The following GALNT16 variants were observed in gnomAD, a reference collection of about 807,000 sequenced individuals.
GALNT16 encodes the protein polypeptide N-acetylgalactosaminyltransferase 16, also known as UDP-GalNAc:polypeptide N-acetylgalactosaminyltransferase-like protein 1.
A neutral mutation model predicts 76.1 loss-of-function variants in GALNT16; 40 were observed. That is an observed-to-expected ratio of 0.53 (90% confidence interval 0.41 to 0.68). The LOEUF is 0.68. Among genes scored for constraint, GALNT16 ranks in the 30% least tolerant of loss-of-function variants. The pLI, the probability that GALNT16 is intolerant of heterozygous loss-of-function variation, is 0.00. For synonymous variants in GALNT16, 276 were observed against 285.2 expected (o/e 0.97, Z 0.32); for missense variants, 621 against 731.9 (o/e 0.85, Z 1.75).
At chr14:69,331,061 C>A (rs1253772472) in intron 6 of GALNT16, among the ~76,000 whole-genome samples, 6 of 152,084 alleles carry the variant, frequency 3.9e-5, no homozygotes, top group African/African-American at 1.4e-4. Context: ...CAGTTCAGAC[C>A]AGAAATAGAA....
intron 1 of GALNT16, among the ~76,000 whole-genome samples, chr14:69,283,297 A>G (rs139585568): frequency 3.3e-4 from 51 of 152,352 alleles, no homozygotes; most frequent in African/African-American, 1.1e-3. Context: ...CACCTAGTTT[A>G]GCTGCATCAG....
chr14:69,312,348 C>T (rs565527854), intron 1 of GALNT16, among the ~76,000 whole-genome samples: 110 of 152,296 alleles, frequency 7.2e-4, no homozygotes, highest in African/African-American at 2.5e-3. Context: ...CAGACCTTGA[C>T]GCTTTGCGCT....
the GALNT16 span, among the ~76,000 whole-genome samples, chr14:69,369,023 C>A: frequency 3.3e-5 from 5 of 152,178 alleles, no homozygotes; most frequent in Non-Finnish European, 5.9e-5. Flanking sequence ...ATAAACTATA[C>A]CCCTCACTCT....
chr14:69,338,691 G>A lies in GALNT16; in HGVS notation c.1008G>A (p.Glu336=). 1.2e-6 allele frequency: 2 copies of A among 1,613,652 alleles called. No individual in the cohort carries two copies. Among genetic ancestry groups the A allele is most frequent in the Non-Finnish European group, 1.7e-6 (2 of 1,179,836 alleles). Reference sequence around the variant, plus strand: ...TGTGGATGTGTGGTGGCAGTCTGGAGATCGTCCCCTGCAGCCGGGTGGGCC... The same window carrying A: ...TGTGGATGTGTGGTGGCAGTCTGGAAATCGTCCCCTGCAGCCGGGTGGGCC... ...FRVWMCGGSL[E]IVPCSRVGHV... Residue 336 remains glutamate (E), a synonymous_variant, in exon 10 of 15, where the codon GAG becomes GAA. Coordinates refer to ENST00000448469, the MANE Select transcript of GALNT16 (RefSeq NM_001168368.2).
chr14:69,328,316 T>TAAAGTCA, intron 5 of GALNT16, 134 bp from the exon 6 acceptor site: 1 of 907,994 alleles, frequency 1.1e-6, no homozygotes, highest in Admixed American at 2.5e-5. Flanking sequence ...AGCAGAAGTA[T>TAAAGTCA]AAAGTCAAAT....
intron 1 of GALNT16, among the ~76,000 whole-genome samples, chr14:69,275,535 G>A (rs1405011039): frequency 7.2e-5 from 11 of 152,290 alleles, no homozygotes; most frequent in South Asian, 4.1e-4. Flanking sequence ...GTGTGTGTGC[G>A]CATGCGCACA....
chr14:69,315,617 G>A (rs764594080), intron 1 of GALNT16, among the ~76,000 whole-genome samples: 21 of 152,308 alleles, frequency 1.4e-4, no homozygotes, highest in Admixed American at 3.3e-4. Context: ...TGCCAAAGAC[G>A]GGCCTGATAT....
chr14:69,337,415 G>GATATATCAA (rs2045428398), intron 9 of GALNT16, among the ~76,000 whole-genome samples: 1 of 152,210 alleles, frequency 6.6e-6, no homozygotes. Context: ...TATTGTTATG[G>GATATATCAA]CCATTGTTGA....
At chr14:69,293,596 A>C (rs749641370) in intron 1 of GALNT16, among the ~76,000 whole-genome samples, 11 of 152,176 alleles carry the variant, frequency 7.2e-5, no homozygotes, top group Admixed American at 5.9e-4. Context: ...GTGGTTAAGC[A>C]TTTGGCCCTT....
At chr14:69,325,255 G>A (rs2045264687) in intron 3 of GALNT16, 82 bp from the exon 4 acceptor site, 2 of 855,780 alleles carry the variant, frequency 2.3e-6, no homozygotes. Flanking sequence ...GGCGGCTGGG[G>A]AGTCCCACGG....
At chr14:69,361,503 A>G (rs537701274), downstream of GALNT16, among the ~76,000 whole-genome samples, 3 of 152,296 alleles carry the variant, frequency 2.0e-5, no homozygotes, top group Non-Finnish European at 2.9e-5. Context: ...CTGTATATTC[A>G]TAGAACACTG....
At chr14:69,304,861 G>A (rs1008666661) in intron 1 of GALNT16, among the ~76,000 whole-genome samples, 6 of 152,056 alleles carry the variant, frequency 3.9e-5, no homozygotes, top group African/African-American at 7.2e-5. Flanking sequence ...TTCTTTATCC[G>A]TTCATCTGTC....
In GALNT16 at chr14:69,328,546, C is replaced by T. The variant is rs971370392; in HGVS notation, c.665C>T (p.Pro222Leu). ...TGCGAAGTGAACACCGAGTGGCTGCCGCCCATGCTGCAGCGGGTGAAGGAG... is the reference window on the plus strand; with the variant it reads ...TGCGAAGTGAACACCGAGTGGCTGCTGCCCATGCTGCAGCGGGTGAAGGAG... Reference protein sequence around the residue: ...SHCEVNTEWLPPMLQRVKEDH... With the variant: ...SHCEVNTEWLLPMLQRVKEDH... The change falls in exon 6 of 15, where the codon CCG becomes CTG. Residue 222 changes from proline to leucine, a missense_variant. Physicochemically the swap from Pro to Leu is moderately conservative, Grantham distance 98. Transcript: ENST00000448469. The T allele has an allele frequency of 5.6e-6, 9 of 1,613,456 alleles. No homozygotes were observed. The highest frequency in any genetic ancestry group is 4.4e-5 in the South Asian group (4 of 91,072).
At chr14:69,331,674 C>T in intron 7 of GALNT16, 123 bp downstream of exon 7, 1 of 696,892 alleles carries the variant, frequency 1.4e-6, no homozygotes, top group South Asian at 1.6e-5. Flanking sequence ...ACACCCCTTC[C>T]ACCACCTCCA....
intron 1 of GALNT16, among the ~76,000 whole-genome samples, chr14:69,306,938 C>G (rs533265230): frequency 6.6e-6 from 1 of 152,332 alleles, no homozygotes; most frequent in African/African-American, 2.4e-5. Flanking sequence ...AAGAAAAGCA[C>G]TATCCACCAT....
chr14:69,280,292 A>C (rs982728413), intron 1 of GALNT16, among the ~76,000 whole-genome samples: 2 of 152,110 alleles, frequency 1.3e-5, no homozygotes, highest in Admixed American at 6.5e-5. Context: ...GAATCCTGTA[A>C]GTGGTGTCTT....
the GALNT16 span, among the ~76,000 whole-genome samples, chr14:69,366,460 T>G: frequency 6.6e-6 from 1 of 152,244 alleles, no homozygotes; most frequent in Non-Finnish European, 1.5e-5. Flanking sequence ...AGCTTAAATG[T>G]CAGCCCTTAC....
intron 1 of GALNT16, among the ~76,000 whole-genome samples, chr14:69,282,809 G>A (rs2044561955): frequency 6.6e-6 from 1 of 152,052 alleles, no homozygotes; most frequent in Non-Finnish European, 1.5e-5. Flanking sequence ...TAAGATTACA[G>A]GTACACACCA....
Position 69,277,593 on chromosome 14 carries a change from T to A in GALNT16, c.177+17126T>A, listed in dbSNP as rs562549103. 2.6e-5 allele frequency among the ~76,000 whole-genome samples: 4 copies of A among 152,368 alleles called. No individual in the cohort carries two copies. The South Asian group carries it at 8.3e-4, about 32-fold the overall frequency. On this transcript the variant is annotated intron_variant, in intron 1 of 14. Coordinates refer to ENST00000448469, the MANE Select transcript of GALNT16 (RefSeq NM_001168368.2). The stretch of plus-strand genomic sequence containing the variant: ...GCTGCATAGTATTCCATGGTGTATG[T>A]GTGCCACATTTTCTTAATCCAGTCT...
Sources: gnomAD v4.1 joint callset for allele counts (sites outside exome capture counted in the v4.1 genomes callset) on GRCh38, gnomAD v4.1.1 for gene constraint, MANE v1.5 for transcripts, NCBI Gene and HGNC (gene_info 2026-07-23, HGNC 2026-07-21) for gene names.